Variants in XIRP2 observed in about 807,000 individuals in gnomAD.
The protein encoded by XIRP2 is xin actin-binding repeat-containing protein 2.
Under a neutral mutation model 277.0 loss-of-function variants are expected in XIRP2, and 236 were observed. The observed-to-expected ratio is 0.85, with a 90% CI of 0.77 to 0.95. The LOEUF is 0.95. XIRP2 is among the 40% of genes least tolerant of loss of function. The pLI, the probability that XIRP2 is intolerant of heterozygous loss-of-function variation, is 0.00. For synonymous variants in XIRP2, 1,490 were observed against 1,416.5 expected, an observed-to-expected ratio of 1.05 and a Z score of -1.17; for missense variants, 4,640 against 4,157.5, an observed-to-expected ratio of 1.12 and a Z score of -3.19.
intron 5 of XIRP2, among the ~76,000 whole-genome samples, chr2:167,233,690 CTT>C (rs1295227292): frequency 6.6e-6 from 1 of 151,554 alleles, no homozygotes; most frequent in Non-Finnish European, 1.5e-5. Context: ...CTCTGTTTTT[CTT>C]TTTCTTTAGA....
chr2:167,130,234 A>C (rs1436788831), intron 2 of XIRP2, among the ~76,000 whole-genome samples: 2 of 152,060 alleles, frequency 1.3e-5, no homozygotes, highest in Non-Finnish European at 2.9e-5. Flanking sequence ...TTTCTTTAAA[A>C]AAAACCCCTG....
intron 3 of XIRP2, among the ~76,000 whole-genome samples, chr2:167,163,003 G>T (rs1301286645): frequency 1.3e-5 from 2 of 152,062 alleles, no homozygotes; most frequent in African/African-American, 4.8e-5. Flanking sequence ...TATATCAGAA[G>T]GTTTTTCTCC....
At chr2:167,195,668 A>G (rs1265447074) in intron 3 of XIRP2, among the ~76,000 whole-genome samples, 2 of 152,182 alleles carry the variant, frequency 1.3e-5, no homozygotes, top group Non-Finnish European at 2.9e-5. Context: ...AAGAGAACCC[A>G]ATAGTTGAAG....
chr2:167,063,159 A>G (rs1358684371), intron 2 of XIRP2, among the ~76,000 whole-genome samples: 1 of 151,488 alleles, frequency 6.6e-6, no homozygotes, highest in East Asian at 1.9e-4. Context: ...AGTATTTTCT[A>G]TTTTTTCTTG....
In XIRP2 at chr2:167,066,064, A is replaced by ATG. The variant is rs147344355; in HGVS notation, c.409-69829_409-69828dup. 4.3e-3 allele frequency among the ~76,000 whole-genome samples: 645 copies of ATG among 150,658 alleles called. 30 individuals are homozygous for ATG. In the East Asian group the frequency reaches 0.093, roughly 22 times the overall value. ...CTTCCAGAAGTGTTAGGGGGTGTGT[A>ATG]TGTGTGTGTGTGTGTGTAGAACTCT... On this transcript the variant is annotated intron_variant, in intron 2 of 10. Transcript: ENST00000409195.
chr2:167,181,325 A>T (rs1318212290), intron 3 of XIRP2, among the ~76,000 whole-genome samples: 5 of 152,216 alleles, frequency 3.3e-5, no homozygotes, highest in African/African-American at 1.2e-4. Context: ...TTCTTCTCTG[A>T]CTCAGAGTTT....
At chr2:167,087,929 ACCAGAGCTGTT>A in intron 2 of XIRP2, among the ~76,000 whole-genome samples, 1 of 152,246 alleles carries the variant, frequency 6.6e-6, no homozygotes, top group East Asian at 1.9e-4. Context: ...GGAGCTGTAG[ACCAGAGCTGTT>A]CCTATTCGGC....
intron 3 of XIRP2, among the ~76,000 whole-genome samples, chr2:167,188,906 CAGAGGCTTCACTTGGGAAA>C (rs1693242954): frequency 6.6e-6 from 1 of 152,142 alleles, no homozygotes; most frequent in Non-Finnish European, 1.5e-5. Flanking sequence ...TTAATGATCT[CAGAGGCTTCACTTGGGAAA>C]ATGTTCATGG....
At chr2:167,143,554 A>G (rs1027669537) in intron 3 of XIRP2, among the ~76,000 whole-genome samples, 7 of 152,186 alleles carry the variant, frequency 4.6e-5, no homozygotes, top group Admixed American at 3.9e-4. Flanking sequence ...GCTCATTTCA[A>G]TTAATGTCTT....
chr2:167,176,699 A>T (rs551699874), intron 3 of XIRP2, among the ~76,000 whole-genome samples: 2 of 152,282 alleles, frequency 1.3e-5, no homozygotes, highest in African/African-American at 4.8e-5. Context: ...GTGTGGGGTA[A>T]GTCAATTTAG....
chr2:167,152,344 C>T (rs1692042638), intron 3 of XIRP2, among the ~76,000 whole-genome samples: 1 of 151,834 alleles, frequency 6.6e-6, no homozygotes, highest in Admixed American at 6.6e-5. Flanking sequence ...GCCCCCCGCC[C>T]CCAGTTTACT....
chr2:166,898,600 T>G (rs1011429360), intron 1 of XIRP2, among the ~76,000 whole-genome samples: 1 of 152,150 alleles, frequency 6.6e-6, no homozygotes, highest in African/African-American at 2.4e-5. Context: ...CCATCTTACA[T>G]AACTATAGTA....
chr2:167,164,266 C>T (rs979188005), intron 3 of XIRP2, among the ~76,000 whole-genome samples: 1 of 150,962 alleles, frequency 6.6e-6, no homozygotes, highest in Non-Finnish European at 1.5e-5. Context: ...CGGTGAAACC[C>T]CGTCTGTACT....
At chr2:167,089,406 T>A (rs997152956) in intron 2 of XIRP2, among the ~76,000 whole-genome samples, 2 of 152,166 alleles carry the variant, frequency 1.3e-5, no homozygotes, top group Non-Finnish European at 2.9e-5. Context: ...TCACAACTGA[T>A]ACAATCATAT....
chr2:167,211,468 CAG>C (rs1430035957), intron 4 of XIRP2, among the ~76,000 whole-genome samples: 1 of 152,182 alleles, frequency 6.6e-6, no homozygotes, highest in Non-Finnish European at 1.5e-5. Context: ...ATTTATCACA[CAG>C]AGTCTTGGTG....
At chr2:166,995,905 C>T (rs1451744068) in intron 2 of XIRP2, among the ~76,000 whole-genome samples, 1 of 152,162 alleles carries the variant, frequency 6.6e-6, no homozygotes, top group Non-Finnish European at 1.5e-5. Flanking sequence ...CTACTTTCCT[C>T]AGCTTTCACC....
chr2:167,109,957 C>T (rs1191312595), intron 2 of XIRP2, among the ~76,000 whole-genome samples: 9 of 152,072 alleles, frequency 5.9e-5, no homozygotes, highest in Non-Finnish European at 7.4e-5. Context: ...TGCTTGTTGG[C>T]CACATGTATG....
chr2:166,934,028 T>A (rs995148097), intron 2 of XIRP2, among the ~76,000 whole-genome samples: 2 of 151,968 alleles, frequency 1.3e-5, no homozygotes, highest in Non-Finnish European at 2.9e-5. Context: ...AGTGTGAGGA[T>A]AGACCTTAAA....
chr2:167,205,891 G>A (rs1319650050), intron 3 of XIRP2, among the ~76,000 whole-genome samples: 14 of 151,770 alleles, frequency 9.2e-5, no homozygotes, highest in Non-Finnish European at 1.5e-5. Context: ...ATATTTTGAG[G>A]GCCTTCATTT....
Sources: allele counts gnomAD v4.1 joint callset (sites outside exome capture counted in the v4.1 genomes callset), GRCh38; gene constraint gnomAD v4.1.1; transcripts MANE v1.5; gene names NCBI Gene and HGNC (gene_info 2026-07-23, HGNC 2026-07-21).